Variants in HPSE2 observed in about 807,000 individuals in gnomAD.
HPSE2 encodes the protein inactive heparanase-2.
Under a neutral mutation model 60.5 loss-of-function variants are expected in HPSE2, and 38 were observed. That is an observed-to-expected ratio of 0.63 (90% CI 0.48 to 0.82). The LOEUF (loss-of-function observed/expected upper bound fraction) is 0.82, where lower values mean the gene tolerates loss of function less well. HPSE2 is among the 40% of genes least tolerant of loss of function. HPSE2 has a pLI of 0.00. For synonymous variants in HPSE2, 295 were observed against 293.2 expected (o/e 1.01, Z -0.06); for missense variants, 713 against 740.4 (o/e 0.96, Z 0.43).
At chr10:98,872,930 T>C (rs1350887360) in intron 3 of HPSE2, among the ~76,000 whole-genome samples, 1 of 152,160 alleles carries the variant, frequency 6.6e-6, no homozygotes, top group Non-Finnish European at 1.5e-5. Context: ...CCTATCTTTT[T>C]ACTCAGCAAA....
In HPSE2 at chr10:98,459,354, C is replaced by T; in HGVS notation, c.*220G>A. 3.2e-6 allele frequency: 2 copies of T among 621,352 alleles called. No individual in the cohort carries two copies. Among genetic ancestry groups the T allele is most frequent in the Middle Eastern group, 4.3e-4 (1 of 2,312 alleles). 38.5% of individuals were successfully genotyped at this position (621,352 alleles called of 1,614,324 possible). ...ACATGCCTTTATCCTTATATAGGTACAGGTGATGTCTACATTTTCCTTTGG... is the reference window on the plus strand; with the variant it reads ...ACATGCCTTTATCCTTATATAGGTATAGGTGATGTCTACATTTTCCTTTGG... On this transcript the variant is annotated 3_prime_UTR_variant, in exon 12 of 12. Transcript: ENST00000370552.
intron 10 of HPSE2, among the ~76,000 whole-genome samples, chr10:98,483,280 A>AT (rs984609773): frequency 2.0e-5 from 3 of 152,114 alleles, no homozygotes; most frequent in African/African-American, 2.4e-5. Context: ...ATTCACAGAG[A>AT]TTTTTTTCCA....
chr10:98,752,094 G>C (rs1278524783), intron 3 of HPSE2, among the ~76,000 whole-genome samples: 1 of 152,098 alleles, frequency 6.6e-6, no homozygotes, highest in East Asian at 1.9e-4. Flanking sequence ...ATATAACCTT[G>C]CATTTGGTTG....
the HPSE2 span, among the ~76,000 whole-genome samples, chr10:99,251,862 CAAAAAAA>C: frequency 1.7e-3 from 99 of 57,290 alleles, 1 homozygote; most frequent in African/African-American, 5.0e-3. Context: ...CTCTCTCTAC[CAAAAAAA>C]AAAAAAAAAA....
chr10:99,247,381 TA>T, the HPSE2 span, among the ~76,000 whole-genome samples: 1 of 152,208 alleles, frequency 6.6e-6, no homozygotes, highest in East Asian at 1.9e-4. Context: ...TATGTATTTT[TA>T]AAAGTAAGGA....
intron 11 of HPSE2, among the ~76,000 whole-genome samples, chr10:98,467,910 C>G (rs1331920627): frequency 6.6e-6 from 1 of 152,346 alleles, no homozygotes; most frequent in Admixed American, 6.5e-5. Flanking sequence ...TCCCGGCCAG[C>G]GTGCAGAGAA....
At chr10:98,897,778 G>A (rs1953536472) in intron 3 of HPSE2, among the ~76,000 whole-genome samples, 1 of 151,946 alleles carries the variant, frequency 6.6e-6, no homozygotes, top group Non-Finnish European at 1.5e-5. Context: ...TGAGACCTTG[G>A]GTTTGGTAAT....
intron 9 of HPSE2, 100 bp from the exon 10 acceptor site, chr10:98,490,296 C>T (rs1324912938): frequency 8.2e-6 from 11 of 1,333,924 alleles, no homozygotes; most frequent in Non-Finnish European, 1.1e-5. Flanking sequence ...CACACACGGG[C>T]CAGAAATCAC....
chr10:98,570,136 C>T (rs1227210333), intron 9 of HPSE2, among the ~76,000 whole-genome samples: 2 of 152,180 alleles, frequency 1.3e-5, no homozygotes, highest in Admixed American at 1.3e-4. Flanking sequence ...GGAATCCTAG[C>T]CCCAAGCTGC....
At chr10:98,547,397 A>T (rs1242588940) in intron 9 of HPSE2, among the ~76,000 whole-genome samples, 1 of 150,904 alleles carries the variant, frequency 6.6e-6, no homozygotes, top group African/African-American at 2.4e-5. Context: ...AAAGACTTGG[A>T]ACCAACCCAA....
intron 3 of HPSE2, among the ~76,000 whole-genome samples, chr10:98,985,599 C>G (rs1956322802): frequency 6.6e-6 from 1 of 152,134 alleles, no homozygotes; most frequent in Non-Finnish European, 1.5e-5. Flanking sequence ...AGCAAAATAA[C>G]CAGCTAACAT....
chr10:98,902,381 T>C (rs1339992042), intron 3 of HPSE2, among the ~76,000 whole-genome samples: 6 of 152,192 alleles, frequency 3.9e-5, no homozygotes, highest in Non-Finnish European at 7.4e-5. Context: ...CATTTAAATC[T>C]ATGTACAATA....
At chr10:98,976,170 T>A (rs1481813004) in intron 3 of HPSE2, among the ~76,000 whole-genome samples, 1 of 152,164 alleles carries the variant, frequency 6.6e-6, no homozygotes, top group African/African-American at 2.4e-5. Flanking sequence ...GCTATGTTCA[T>A]CCTGTCTCCT....
At chr10:98,569,300 A>AGGAG (rs1944432221) in intron 9 of HPSE2, among the ~76,000 whole-genome samples, 1 of 151,976 alleles carries the variant, frequency 6.6e-6, no homozygotes, top group South Asian at 2.1e-4. Context: ...ACCTCAGGTG[A>AGGAG]TCCACCCACC....
chr10:99,308,769 A>C, the HPSE2 span, among the ~76,000 whole-genome samples: 2 of 40,428 alleles, frequency 4.9e-5, no homozygotes, highest in Non-Finnish European at 1.1e-4. Flanking sequence ...AAAATGTCAA[A>C]TCCTAGAAAA....
At chr10:98,696,912 G>A (rs1948237127) in intron 5 of HPSE2, among the ~76,000 whole-genome samples, 1 of 152,104 alleles carries the variant, frequency 6.6e-6, no homozygotes, top group Non-Finnish European at 1.5e-5. Context: ...ACAGGGACCT[G>A]ACCACTGCAA....
At chr10:98,463,758 C>T (rs1940409067) in intron 11 of HPSE2, among the ~76,000 whole-genome samples, 1 of 152,152 alleles carries the variant, frequency 6.6e-6, no homozygotes, top group Admixed American at 6.5e-5. Flanking sequence ...TAAGCTGAGA[C>T]TGTGCCACTA....
chr10:98,654,299 C>T (rs1467468622), intron 6 of HPSE2, among the ~76,000 whole-genome samples: 3 of 152,116 alleles, frequency 2.0e-5, no homozygotes, highest in Non-Finnish European at 4.4e-5. Flanking sequence ...TACTTCAAGC[C>T]ATTATTTTCC....
intron 3 of HPSE2, among the ~76,000 whole-genome samples, chr10:98,832,724 T>A (rs1467253099): frequency 5.9e-5 from 9 of 152,094 alleles, no homozygotes; most frequent in Non-Finnish European, 1.2e-4. Context: ...TGTATTTAGA[T>A]AATAAAAAAA....
Sources: allele counts gnomAD v4.1 joint callset (sites outside exome capture counted in the v4.1 genomes callset), GRCh38; gene constraint gnomAD v4.1.1; transcripts MANE v1.5; gene names NCBI Gene and HGNC (gene_info 2026-07-23, HGNC 2026-07-21).